TBC1D22A: variants seen among roughly 807,000 people sequenced by gnomAD.
TBC1D22A encodes putative GTPase activator.
Under a neutral mutation model 60.2 loss-of-function variants are expected in TBC1D22A, and 38 were observed. The observed-to-expected ratio is 0.63, with a 90% CI of 0.49 to 0.83. The LOEUF is 0.83. Ranked by LOEUF, TBC1D22A falls within the 40% of genes least tolerant of loss-of-function variation. The probability of loss-of-function intolerance (pLI) is 0.00; values close to 1 mark genes in which losing one functional copy is unlikely to be tolerated. For missense variants in TBC1D22A, 628 were observed against 701.0 expected, an observed-to-expected ratio of 0.90 and a Z score of 1.18; for synonymous variants, 302 against 281.7, an observed-to-expected ratio of 1.07 and a Z score of -0.72.
chr22:47,065,616 A>G (rs2063730735), intron 11 of TBC1D22A, among the ~76,000 whole-genome samples: 1 of 152,398 alleles, frequency 6.6e-6, no homozygotes, highest in African/African-American at 2.4e-5. Flanking sequence ...GGTCTCCACG[A>G]GGACTTAGCA....
chr22:47,052,300 G>T (rs1347400785), intron 11 of TBC1D22A, among the ~76,000 whole-genome samples: 1 of 152,264 alleles, frequency 6.6e-6, no homozygotes, highest in South Asian at 2.1e-4. Context: ...TGATGAGGGT[G>T]CCCATCGGCC....
intron 11 of TBC1D22A, among the ~76,000 whole-genome samples, chr22:47,090,600 A>G (rs1350798263): frequency 6.6e-6 from 1 of 152,210 alleles, no homozygotes; most frequent in Non-Finnish European, 1.5e-5. Context: ...TGGTAGCCAC[A>G]GCCTCTGCTT....
chr22:46,903,947 G>A (rs2069196802), intron 7 of TBC1D22A, among the ~76,000 whole-genome samples: 2 of 152,176 alleles, frequency 1.3e-5, no homozygotes, highest in Non-Finnish European at 2.9e-5. Context: ...GCACCTTCAA[G>A]GGAGGTGGCA....
At chr22:46,923,010 G>T (rs1664845116) in intron 8 of TBC1D22A, among the ~76,000 whole-genome samples, 1 of 152,162 alleles carries the variant, frequency 6.6e-6, no homozygotes, top group Non-Finnish European at 1.5e-5. Context: ...TGGTTTTCAA[G>T]GGGAGTGCTT....
chr22:47,065,641 G>A (rs2063733330), intron 11 of TBC1D22A, among the ~76,000 whole-genome samples: 1 of 152,292 alleles, frequency 6.6e-6, no homozygotes, highest in Admixed American at 6.5e-5. Context: ...TCGGAGTTGG[G>A]ACTGGGTTGG....
chr22:46,984,711 A>G (rs1289538245), intron 9 of TBC1D22A, among the ~76,000 whole-genome samples: 2 of 152,236 alleles, frequency 1.3e-5, no homozygotes, highest in Non-Finnish European at 2.9e-5. Context: ...TGGAGGTAAT[A>G]GGAATATTGG....
chr22:47,146,578 C>T (rs2067295383), intron 12 of TBC1D22A, among the ~76,000 whole-genome samples: 1 of 152,380 alleles, frequency 6.6e-6, no homozygotes, highest in East Asian at 1.9e-4. Context: ...CGATGCCGCT[C>T]TGTAATCATC....
chr22:47,001,933 C>A (rs1386476603), intron 10 of TBC1D22A, among the ~76,000 whole-genome samples: 2 of 152,156 alleles, frequency 1.3e-5, no homozygotes, highest in African/African-American at 4.8e-5. Flanking sequence ...TCTGTATTAT[C>A]CTGCCTTGTG....
intron 11 of TBC1D22A, among the ~76,000 whole-genome samples, chr22:47,097,052 C>T (rs2065207611): frequency 1.6e-5 from 1 of 62,800 alleles, no homozygotes; most frequent in Admixed American, 2.0e-4. Context: ...TGTGTGTCCA[C>T]ATCAGTATGG....
chr22:46,979,245 A>C (rs578159605), intron 9 of TBC1D22A, among the ~76,000 whole-genome samples: 1 of 152,370 alleles, frequency 6.6e-6, no homozygotes, highest in African/African-American at 2.4e-5. Context: ...AGCAGCTGTC[A>C]GGCCCAGGGT....
At chr22:47,037,633 AAAAT>A (rs1013387500) in intron 11 of TBC1D22A, among the ~76,000 whole-genome samples, 2 of 152,164 alleles carry the variant, frequency 1.3e-5, no homozygotes, top group African/African-American at 4.8e-5. Context: ...TCCATCTCAA[AAAAT>A]AAATAAATAA....
chr22:47,035,601 G>A (rs1268648788), intron 10 of TBC1D22A, among the ~76,000 whole-genome samples: 1 of 152,212 alleles, frequency 6.6e-6, no homozygotes, highest in Non-Finnish European at 1.5e-5. Flanking sequence ...GCCCCAGCAC[G>A]TTTGCCCTGG....
chr22:46,992,598 C>T (rs1043226143), intron 9 of TBC1D22A, among the ~76,000 whole-genome samples: 6 of 152,262 alleles, frequency 3.9e-5, no homozygotes, highest in Non-Finnish European at 4.4e-5. Context: ...GTGTTTGACT[C>T]CTTCGCACAC....
In TBC1D22A at chr22:46,792,553, C is replaced by G. The variant is rs538299514; in HGVS notation, c.96C>G (p.Pro32=). The change falls in exon 2 of 13, where the codon CCC becomes CCG. Residue 32 remains proline, a synonymous_variant. Coordinates refer to ENST00000337137, the MANE Select transcript of TBC1D22A (RefSeq NM_014346.5). The stretch of plus-strand genomic sequence containing the variant: ...ACGTGTATGGTGCCCAGCACCCCCC[C>G]TTTGATCCACTGTTACATGGCACGT... ...IQHVYGAQHP[P]FDPLLHGTLL... is the part of the protein sequence containing the mutation. 6 of 1,614,132 alleles carry G rather than the reference C, an allele frequency of 3.7e-6. No individual in the cohort carries two copies. The highest frequency in any genetic ancestry group is 2.7e-5 in the African/African-American group (2 of 74,948).
At chr22:47,123,613 G>A (rs1373319092) in intron 12 of TBC1D22A, among the ~76,000 whole-genome samples, 3 of 152,212 alleles carry the variant, frequency 2.0e-5, no homozygotes, top group South Asian at 2.1e-4. Context: ...ATCTTGCAAT[G>A]CTGCATTAGC....
At chr22:46,939,728 T>C (rs1358136450) in intron 8 of TBC1D22A, among the ~76,000 whole-genome samples, 1 of 152,168 alleles carries the variant, frequency 6.6e-6, no homozygotes, top group Non-Finnish European at 1.5e-5. Flanking sequence ...GTTTTGACAA[T>C]GAAAATATGG....
At chr22:46,867,824 G>A (rs911067221) in intron 4 of TBC1D22A, among the ~76,000 whole-genome samples, 8 of 152,348 alleles carry the variant, frequency 5.3e-5, no homozygotes, top group African/African-American at 1.9e-4. Flanking sequence ...GACAGAAACT[G>A]TTGCTAATAA....
chr22:47,163,493 C>T (rs762199665), intron 12 of TBC1D22A, among the ~76,000 whole-genome samples: 2 of 152,216 alleles, frequency 1.3e-5, no homozygotes, highest in Admixed American at 6.5e-5. Context: ...TCGGTGTGTG[C>T]GATTCAGTCC....
intron 9 of TBC1D22A, among the ~76,000 whole-genome samples, chr22:46,993,943 C>T (rs11913134): frequency 9.8e-5 from 15 of 152,328 alleles, no homozygotes; most frequent in East Asian, 3.9e-4. Context: ...GCCTCGCCCT[C>T]GGGGGGTGGG....
Sources: allele counts gnomAD v4.1 joint callset (sites outside exome capture counted in the v4.1 genomes callset), GRCh38; gene constraint gnomAD v4.1.1; transcripts MANE v1.5; gene names NCBI Gene and HGNC (gene_info 2026-07-23, HGNC 2026-07-21).